The following ATP2B2 variants were observed in gnomAD, a reference collection of about 807,000 sequenced individuals.
The protein encoded by ATP2B2 is ATPase plasma membrane Ca2+ transporting 2, also known as plasma membrane calcium-transporting ATPase 2.
ATP2B2 carries 15 observed loss-of-function variants against 120.0 expected under a neutral mutation model. The ratio of observed to expected loss-of-function variants is 0.12; its 90% CI spans 0.08 to 0.19. ATP2B2 has a LOEUF of 0.19. Ranked by LOEUF, ATP2B2 falls within the 10% of genes least tolerant of loss-of-function variation. The pLI is 1.00. For missense variants in ATP2B2, 1,045 were observed against 1,719.8 expected (o/e 0.61, Z 6.94); for synonymous variants, 694 against 700.3 (o/e 0.99, Z 0.14).
intron 2 of ATP2B2, among the ~76,000 whole-genome samples, chr3:10,584,751 T>A (rs2068468470): frequency 6.6e-6 from 1 of 152,202 alleles, no homozygotes; most frequent in Admixed American, 6.5e-5. Context: ...CCAGCACTCA[T>A]TCCTGATTCC....
chr3:10,503,978 C>T (rs571629729), intron 1 of ATP2B2, among the ~76,000 whole-genome samples: 10 of 152,306 alleles, frequency 6.6e-5, no homozygotes, highest in African/African-American at 9.6e-5. Context: ...TTTACAGGTG[C>T]TGGGGTGTGG....
At chr3:10,544,855 CTT>C (rs1396926861) in intron 2 of ATP2B2, among the ~76,000 whole-genome samples, 1 of 152,230 alleles carries the variant, frequency 6.6e-6, no homozygotes, top group Non-Finnish European at 1.5e-5. Context: ...TTGCTCAACT[CTT>C]GTTTCCACCC....
At chr3:10,685,077 ATGTT>A (rs2125707366) in intron 1 of ATP2B2, among the ~76,000 whole-genome samples, 1 of 152,300 alleles carries the variant, frequency 6.6e-6, no homozygotes, top group South Asian at 2.1e-4. Context: ...GCCACCGATG[ATGTT>A]CTCCTTCTCT....
At chr3:10,365,667 G>GGT (rs971115534) in intron 12 of ATP2B2, among the ~76,000 whole-genome samples, 7 of 149,078 alleles carry the variant, frequency 4.7e-5, no homozygotes, top group South Asian at 2.2e-4. Context: ...GTATGTGTGT[G>GGT]GTGTGTGTGT....
At chr3:10,348,583 G>T (rs538417859) in intron 16 of ATP2B2, among the ~76,000 whole-genome samples, 1 of 152,138 alleles carries the variant, frequency 6.6e-6, no homozygotes, top group Non-Finnish European at 1.5e-5. Flanking sequence ...GGCATCTGGG[G>T]ATCTTCTGCC....
At chr3:10,595,627 A>T (rs939268842) in intron 2 of ATP2B2, among the ~76,000 whole-genome samples, 1 of 140,122 alleles carries the variant, frequency 7.1e-6, no homozygotes, top group African/African-American at 2.7e-5. Flanking sequence ...CCAAGTTGCC[A>T]CATCTCATAT....
At chr3:10,394,728 C>A (rs1472265706) in intron 5 of ATP2B2, among the ~76,000 whole-genome samples, 1 of 151,496 alleles carries the variant, frequency 6.6e-6, no homozygotes, top group African/African-American at 2.4e-5. Flanking sequence ...TTACCGATGT[C>A]CTGCATGACC....
intron 2 of ATP2B2, among the ~76,000 whole-genome samples, chr3:10,417,478 A>G (rs1335144584): frequency 6.6e-6 from 1 of 152,234 alleles, no homozygotes; most frequent in Non-Finnish European, 1.5e-5. Flanking sequence ...GACGGCCCAC[A>G]ATGGGTGTCC....
chr3:10,514,560 T>G (rs1418804507), intron 3 of ATP2B2, among the ~76,000 whole-genome samples: 1 of 152,188 alleles, frequency 6.6e-6, no homozygotes, highest in Non-Finnish European at 1.5e-5. Flanking sequence ...TAGCTTTCCA[T>G]TTTACAGATA....
At chr3:10,525,049 T>C (rs76681811) in intron 3 of ATP2B2, among the ~76,000 whole-genome samples, 3,038 of 152,242 alleles carry the variant, frequency 0.02, 105 homozygotes, top group African/African-American at 0.069. Context: ...GAGCTACCTA[T>C]GAACACTCCC....
intron 2 of ATP2B2, among the ~76,000 whole-genome samples, chr3:10,596,162 G>T (rs1172062859): frequency 6.6e-6 from 1 of 152,078 alleles, no homozygotes; most frequent in Admixed American, 6.6e-5. Context: ...CAGCACAGAC[G>T]CCTGCCAGCA....
chr3:10,498,763 T>C (rs1172081269), intron 1 of ATP2B2, among the ~76,000 whole-genome samples: 2 of 152,182 alleles, frequency 1.3e-5, no homozygotes, highest in African/African-American at 4.8e-5. Flanking sequence ...AACGGTGTCA[T>C]CCATTCACTG....
intron 2 of ATP2B2, among the ~76,000 whole-genome samples, chr3:10,535,872 C>G (rs2067303368): frequency 6.6e-6 from 1 of 150,778 alleles, no homozygotes; most frequent in South Asian, 2.1e-4. Context: ...AATAAATGCC[C>G]AAGAGTGCAA....
At chr3:10,420,246 C>T (rs2062928028) in intron 2 of ATP2B2, among the ~76,000 whole-genome samples, 1 of 152,208 alleles carries the variant, frequency 6.6e-6, no homozygotes, top group Non-Finnish European at 1.5e-5. Context: ...AGCCATACCG[C>T]TTCAAGACAA....
chr3:10,622,923 T>C (rs1227445990), intron 1 of ATP2B2, among the ~76,000 whole-genome samples: 1 of 152,214 alleles, frequency 6.6e-6, no homozygotes, highest in Non-Finnish European at 1.5e-5. Context: ...GCAAGTCACT[T>C]CAGCCTCCTG....
chr3:10,366,983 G>C (rs763074411), intron 12 of ATP2B2, among the ~76,000 whole-genome samples: 1 of 152,212 alleles, frequency 6.6e-6, no homozygotes, highest in Non-Finnish European at 1.5e-5. Flanking sequence ...GAAAGGATGG[G>C]GCACAGGGTG....
At chr3:10,411,417 G>A (rs1192527619) in intron 2 of ATP2B2, among the ~76,000 whole-genome samples, 1 of 152,206 alleles carries the variant, frequency 6.6e-6, no homozygotes, top group Non-Finnish European at 1.5e-5. Flanking sequence ...ATTTGCTGTG[G>A]CAGCCATGGG....
intron 4 of ATP2B2, among the ~76,000 whole-genome samples, chr3:10,401,864 A>G (rs752001575): frequency 6.6e-6 from 1 of 152,220 alleles, no homozygotes; most frequent in Non-Finnish European, 1.5e-5. Flanking sequence ...GAGTGGTAGC[A>G]CATGTGCCAT....
intron 1 of ATP2B2, among the ~76,000 whole-genome samples, chr3:10,475,597 T>A (rs1303009394): frequency 6.6e-6 from 1 of 152,236 alleles, no homozygotes; most frequent in Non-Finnish European, 1.5e-5. Context: ...AGTTTCTTCA[T>A]CTTTGTGATG....
Sources: allele counts gnomAD v4.1 joint callset (sites outside exome capture counted in the v4.1 genomes callset), GRCh38; gene constraint gnomAD v4.1.1; transcripts MANE v1.5; gene names NCBI Gene and HGNC (gene_info 2026-07-23, HGNC 2026-07-21).